SPATA13: variants seen among roughly 807,000 people sequenced by gnomAD.
SPATA13 encodes spermatogenesis associated 13.
SPATA13 carries 50 observed loss-of-function variants against 104.0 expected under a neutral mutation model. That is an observed-to-expected ratio of 0.48 (90% confidence interval 0.38 to 0.61). The LOEUF (loss-of-function observed/expected upper bound fraction) is 0.61. Ranked by LOEUF, SPATA13 falls within the 20% of genes least tolerant of loss-of-function variation. The pLI, the probability that SPATA13 is intolerant of heterozygous loss-of-function variation, is 0.00. For missense variants in SPATA13, 1,524 were observed against 1,690.6 expected (o/e 0.90, Z 1.73); for synonymous variants, 606 against 667.5 (o/e 0.91, Z 1.42).
rs1400064431 is a variant in SPATA13, at chr13:24,189,868, AATATAATTATATATCATAATATATATT to A, written c.-112+28949_-112+28975del. Among the ~76,000 whole-genome samples, 152 of 25,246 alleles carry A rather than the reference AATATAATTATATATCATAATATATATT, an allele frequency of 6.0e-3. 17 individuals carry two copies. Among genetic ancestry groups the A allele is most frequent in the African/African-American group, 9.7e-3 (142 of 14,712 alleles). The allele number at this position is 25,246 out of a possible 152,430, so 16.6% of individuals were successfully genotyped here. ...TATATTATATTAATATATCATATATAATATAATTATATATCATAATATATATTATATAATTATATTACATAATATATA... is the reference window on the plus strand; with the variant it reads ...TATATTATATTAATATATCATATATAATATAATTATATTACATAATATATA... On this transcript the variant is annotated intron_variant, in intron 1 of 12. Transcript: ENST00000382108.
At chr13:24,003,884 G>A (rs548570450) in intron 2 of SPATA13, among the ~76,000 whole-genome samples, 55 of 152,214 alleles carry the variant, frequency 3.6e-4, no homozygotes, top group African/African-American at 1.2e-3. Flanking sequence ...AGCAAATACA[G>A]AACCCATTAA....
At chr13:24,249,378 C>T in intron 2 of SPATA13, 99 bp from the exon 3 acceptor site, 1 of 1,391,564 alleles carries the variant, frequency 7.2e-7, no homozygotes, top group Non-Finnish European at 9.5e-7. Context: ...TCAAGAAAAC[C>T]CGAGGCACGG....
chr13:24,276,638 G>GAAAGGAAA (rs1158622398), intron 4 of SPATA13, among the ~76,000 whole-genome samples: 2 of 152,012 alleles, frequency 1.3e-5, no homozygotes, highest in East Asian at 3.8e-4. Context: ...GATGGTAAAA[G>GAAAGGAAA]AAAGGAAGAA....
chr13:24,123,635 A>G (rs933151680), intron 3 of SPATA13: 5 of 1,605,290 alleles, frequency 3.1e-6, no homozygotes, highest in South Asian at 2.2e-5. Flanking sequence ...CAGTGGTAGG[A>G]GAAATGAAAT....
chr13:24,306,738 A>G lies in SPATA13; in HGVS notation c.*3965A>G, dbSNP rs1489730341. Reference sequence around the variant, plus strand: ...TCACAGGCACTGACATTTTATATTTAGAAAATACTTTTAATCTTTCTAATC... The same window carrying G: ...TCACAGGCACTGACATTTTATATTTGGAAAATACTTTTAATCTTTCTAATC... On this transcript the variant is annotated 3_prime_UTR_variant, in exon 13 of 13. Coordinates refer to ENST00000382108, the MANE Select transcript of SPATA13 (RefSeq NM_001166271.3). 4 of 152,220 alleles carry G rather than the reference A, an allele frequency of 2.6e-5. No homozygotes were observed. Among genetic ancestry groups the G allele is most frequent in the Admixed American group, 2.6e-4 (4 of 15,278 alleles). 9.4% of individuals were successfully genotyped at this position (152,220 alleles called of 1,614,324 possible).
At chr13:23,987,750 A>G (rs535834973) in intron 2 of SPATA13, among the ~76,000 whole-genome samples, 4 of 152,046 alleles carry the variant, frequency 2.6e-5, no homozygotes, top group Non-Finnish European at 4.4e-5. Flanking sequence ...TTTATTTTAC[A>G]CAATTGGAAT....
intron 3 of SPATA13, among the ~76,000 whole-genome samples, chr13:24,025,206 A>C (rs1238971167): frequency 3.3e-5 from 5 of 151,716 alleles, no homozygotes; most frequent in Non-Finnish European, 7.4e-5. Context: ...ATTTCCTAAA[A>C]TTTTTATTAA....
intron 2 of SPATA13, among the ~76,000 whole-genome samples, chr13:24,001,513 C>T (rs1005036854): frequency 2.0e-5 from 3 of 151,520 alleles, no homozygotes; most frequent in South Asian, 2.1e-4. Context: ...AATGAGCTGG[C>T]GGGGAAAGGC....
chr13:24,264,754 T>C (rs750827490), intron 4 of SPATA13, among the ~76,000 whole-genome samples: 16 of 152,234 alleles, frequency 1.1e-4, no homozygotes, highest in Non-Finnish European at 2.1e-4. Context: ...AAGTGAAATC[T>C]GTACTAGGCC....
intron 3 of SPATA13, among the ~76,000 whole-genome samples, chr13:24,136,439 G>A (rs1923899): frequency 0.53 from 80,766 of 151,740 alleles, 21,796 homozygotes; most frequent in Admixed American, 0.61. Flanking sequence ...TCGTGCCATT[G>A]CACTCCAGCC....
In SPATA13 at chr13:24,224,358, C is replaced by T. The variant is rs953269969; in HGVS notation, c.1429C>T (p.Pro477Ser). ...ACCCAAGCCCCAGAGCCCTCAGAGC[C>T]CCCAGAGCCCCGGGGCAGGAAGTGC... The part of the protein sequence containing the change: ...TTPKPQSPQS[P>S]QSPGAGSASC... Residue 477 changes from proline to serine, a missense_variant, in exon 2 of 13, where the codon CCC (proline) becomes TCC (serine). Physicochemically the swap from Pro to Ser is moderately conservative, Grantham distance 74. Around this residue, in one of 2 missense-constraint regions of SPATA13, gnomAD observed 1,089 missense variants for 1,135.9 expected, o/e 0.96. Transcript: ENST00000382108. The T allele has an allele frequency of 5.8e-6, 9 of 1,548,610 alleles. No homozygotes were observed. The highest frequency in any genetic ancestry group is 7.9e-6 in the Non-Finnish European group (9 of 1,144,336).
intron 3 of SPATA13, among the ~76,000 whole-genome samples, chr13:24,152,934 T>C (rs1175267506): frequency 6.6e-6 from 1 of 152,256 alleles, no homozygotes; most frequent in Non-Finnish European, 1.5e-5. Flanking sequence ...ACATTGAGAC[T>C]TTCACCTCCG....
At chr13:24,247,610 G>A (rs1412983350) in intron 2 of SPATA13, among the ~76,000 whole-genome samples, 2 of 149,984 alleles carry the variant, frequency 1.3e-5, no homozygotes, top group East Asian at 2.0e-4. Context: ...AGCCCCCCAA[G>A]TAGCTGGGAT....
At chr13:24,264,373 G>A (rs555679610) in intron 4 of SPATA13, among the ~76,000 whole-genome samples, 5 of 152,256 alleles carry the variant, frequency 3.3e-5, no homozygotes, top group East Asian at 1.9e-4. Flanking sequence ...CACTCTGTAC[G>A]TATTCCTGGC....
intron 3 of SPATA13, among the ~76,000 whole-genome samples, chr13:24,109,253 C>A (rs1041509285): frequency 5.9e-5 from 9 of 152,184 alleles, no homozygotes; most frequent in Non-Finnish European, 1.3e-4. Context: ...ATGATGGTTT[C>A]CAGCTGCATC....
rs1321704559 is a variant in SPATA13, at chr13:24,224,137, T to A, written c.1208T>A (p.Leu403Gln). 1 of 1,551,736 alleles carries A rather than the reference T, an allele frequency of 6.4e-7. No individual in the cohort carries two copies. The highest frequency in any genetic ancestry group is 2.0e-5 in the Admixed American group (1 of 51,012). ...TCAGCCACCTCTAAGGGGCCCCACC[T>A]AGACGCTGACACTGCCGTATTTCCT... is the stretch of plus-strand genomic sequence containing the variant. ...FGSATSKGPH[L>Q]DADTAVFPLE... is the part of the protein sequence containing the mutation. The change falls in exon 2 of 13, where the codon CTA becomes CAA. Residue 403 changes from leucine (L) to glutamine (Q), a missense_variant. Leu to Gln is a moderately radical substitution (Grantham distance 113). Transcript: ENST00000382108.
intron 3 of SPATA13, among the ~76,000 whole-genome samples, chr13:24,035,927 A>G (rs1877662300): frequency 6.6e-6 from 1 of 151,698 alleles, no homozygotes; most frequent in Non-Finnish European, 1.5e-5. Flanking sequence ...AGGCTGGAGA[A>G]TCGCTTGAGC....
At chr13:24,122,614 C>T in intron 3 of SPATA13, 1 of 1,453,332 alleles carries the variant, frequency 6.9e-7, no homozygotes, top group Non-Finnish European at 9.7e-7. Flanking sequence ...TCTCCTGCAA[C>T]TCCTGTAAGA....
At chr13:24,140,223 A>G (rs1881717110) in intron 3 of SPATA13, among the ~76,000 whole-genome samples, 1 of 152,206 alleles carries the variant, frequency 6.6e-6, no homozygotes, top group Admixed American at 6.5e-5. Flanking sequence ...ATGCAAGCCT[A>G]GTCGTTTAGG....
Sources: gnomAD v4.1 joint callset for allele counts (sites outside exome capture counted in the v4.1 genomes callset) on GRCh38, gnomAD v4.1.1 for gene constraint, gnomAD v4.1.1 regional missense constraint, MANE v1.5 for transcripts, NCBI Gene and HGNC (gene_info 2026-07-23, HGNC 2026-07-21) for gene names.